The following NUP210 variants were observed in gnomAD, a reference collection of about 807,000 sequenced individuals.
NUP210 encodes the protein nuclear pore membrane glycoprotein 210.
NUP210 carries 151 observed loss-of-function variants against 196.0 expected under a neutral mutation model. The observed-to-expected ratio is 0.77, with a 90% CI of 0.67 to 0.88. The LOEUF is 0.88. Among genes scored for constraint, NUP210 ranks in the 40% least tolerant of loss-of-function variants. The pLI is 0.00. For missense variants in NUP210, 2,314 were observed against 2,493.7 expected (o/e 0.93, Z 1.53); for synonymous variants, 1,070 against 1,052.7 (o/e 1.02, Z -0.32).
Position 13,380,953 on chromosome 3 carries a change from A to G in NUP210, c.818-1232T>C, listed in dbSNP as rs1398610292. Reference sequence around the variant, plus strand: ...ACCATCAACATCACCTGGAACTGCAAATGATGGGCCCCATCCCAGACCTGC... The same window carrying G: ...ACCATCAACATCACCTGGAACTGCAGATGATGGGCCCCATCCCAGACCTGC... On this transcript the variant is annotated intron_variant, in intron 6 of 39. Coordinates refer to ENST00000254508, the MANE Select transcript of NUP210 (RefSeq NM_024923.4). 3.9e-5 allele frequency among the ~76,000 whole-genome samples: 6 copies of G among 152,350 alleles called. No individual in the cohort carries two copies. The East Asian group carries it at 9.6e-4, about 24-fold the overall frequency.
In NUP210 at chr3:13,342,113, C is replaced by A; in HGVS notation, c.2975G>T (p.Gly992Val). The change falls in exon 22 of 40, where the codon GGG becomes GTG. Residue 992 changes from glycine to valine, a missense_variant. Transcript: ENST00000254508. ...GCGGACGTATGCCTTCACTGTCTTC[C>A]CAATCTCCACCTGCATCATGGGGAC... ...YIRVVDKVEI[G>V]KTVKAYVRVL... 1 of 1,614,050 alleles carries A rather than the reference C, an allele frequency of 6.2e-7. No homozygotes were observed. Among genetic ancestry groups the A allele is most frequent in the Non-Finnish European group, 8.5e-7 (1 of 1,179,948 alleles).
In NUP210 at chr3:13,419,398, C is replaced by T. The variant is rs76579533; in HGVS notation, c.167+662G>A. Among the ~76,000 whole-genome samples, 1,403 of 152,338 alleles carry T rather than the reference C, an allele frequency of 9.2e-3. 23 individuals are homozygous for T. The highest frequency in any genetic ancestry group is 0.032 in the African/African-American group (1,322 of 41,574). The stretch of plus-strand genomic sequence containing the variant: ...GTCCCTGTGGTTCCACAGGGTCACA[C>T]TCCGCATCCGACCCCTTGGAGAACT... On this transcript the variant is annotated intron_variant, in intron 1 of 39. Transcript: ENST00000254508.
chr3:13,394,926 C>T (rs905355980), intron 3 of NUP210, among the ~76,000 whole-genome samples: 5 of 152,136 alleles, frequency 3.3e-5, no homozygotes, highest in Non-Finnish European at 1.5e-5. Flanking sequence ...CAAAGTATTT[C>T]GGGGCGAGGA....
At position 13,342,054 on chromosome 3, in the gene NUP210, T is replaced by C; in HGVS notation, c.3034A>G (p.Lys1012Glu). The stretch of plus-strand genomic sequence containing the variant: ...TTCAGGTCCATAAAGGGGAAGTATT[T>C]GGCAAGGAAGGGCTTCTTGTGCAAG... Reference protein sequence around the residue: ...LDLHKKPFLAKYFPFMDLKLR... With the variant: ...LDLHKKPFLAEYFPFMDLKLR... Residue 1012 changes from lysine to glutamate, a missense_variant, in exon 22 of 40, where the codon AAA becomes GAA. Coordinates refer to ENST00000254508, the MANE Select transcript of NUP210 (RefSeq NM_024923.4). 2 of 1,614,206 alleles carry C rather than the reference T, an allele frequency of 1.2e-6. No homozygotes were observed. The highest frequency in any genetic ancestry group is 1.7e-6 in the Non-Finnish European group (2 of 1,180,026).
intron 15 of NUP210, 113 bp from the exon 16 acceptor site, chr3:13,358,508 G>C: frequency 9.4e-7 from 1 of 1,060,572 alleles, no homozygotes; most frequent in Non-Finnish European, 1.3e-6. Flanking sequence ...TCTATAGGAT[G>C]GGAGTGATGA....
At chr3:13,336,429 G>A (rs1170830415) in intron 27 of NUP210, among the ~76,000 whole-genome samples, 3 of 152,122 alleles carry the variant, frequency 2.0e-5, no homozygotes, top group East Asian at 1.9e-4. Context: ...AGGGCCCCTC[G>A]CTGGGCTAAG....
intron 28 of NUP210, 109 bp downstream of exon 28, chr3:13,335,345 C>G: frequency 1.6e-6 from 2 of 1,277,554 alleles, no homozygotes; most frequent in Non-Finnish European, 2.2e-6. Context: ...GGACTGAGAG[C>G]TTCTCAGGTC....
chr3:13,417,734 A>G (rs6769612), intron 1 of NUP210, among the ~76,000 whole-genome samples: 33,630 of 152,128 alleles, frequency 0.22, 5,834 homozygotes, highest in African/African-American at 0.49. Flanking sequence ...TTTGAATAGC[A>G]GTCACACATC....
intron 32 of NUP210, 98 bp downstream of exon 32, chr3:13,327,118 GC>G: frequency 2.3e-6 from 2 of 858,868 alleles, no homozygotes; most frequent in South Asian, 3.4e-5. Context: ...CTGCCTGTAG[GC>G]CCCCGTGACT....
chr3:13,384,642 T>C (rs1438754902), intron 6 of NUP210, among the ~76,000 whole-genome samples: 6 of 152,218 alleles, frequency 3.9e-5, no homozygotes, highest in South Asian at 4.1e-4. Flanking sequence ...TGTTCAGTCA[T>C]GGTTAGGTGC....
At position 13,347,292 on chromosome 3, in the gene NUP210, C is replaced by G. The variant is rs1697777859; in HGVS notation, c.2836-3989G>C. The stretch of plus-strand genomic sequence containing the variant: ...AAGCACTCCAGCGTCTCTGAGTGCA[C>G]GAGTTAATGGGAAATGTAAAGTGCC... On this transcript the variant is annotated intron_variant, in intron 20 of 39. Transcript: ENST00000254508. The surrounding 1 kb of genome is among the most constrained non-coding windows in gnomAD (Gnocchi z 4.7). 1 of 985,380 alleles carries G rather than the reference C, an allele frequency of 1.0e-6. No individual in the cohort carries two copies. The highest frequency in any genetic ancestry group is 1.2e-6 in the Non-Finnish European group (1 of 829,892). The allele number at this position is 985,380 out of a possible 1,614,324, so 61.0% of individuals were successfully genotyped here.
intron 3 of NUP210, among the ~76,000 whole-genome samples, chr3:13,393,660 G>A (rs1036126819): frequency 7.2e-5 from 11 of 152,230 alleles, no homozygotes; most frequent in Admixed American, 5.2e-4. Flanking sequence ...GCAGGTGTCT[G>A]CCTTTCCAGG....
Position 13,344,606 on chromosome 3 carries a change from A to T in NUP210, c.2836-1303T>A, listed in dbSNP as rs541060450. On this transcript the variant is annotated intron_variant, in intron 20 of 39. Transcript: ENST00000254508. ...AAAGGTGACAACCAAATAGGATCAC[A>T]TCACTCCCAACATCAACCCCTCAAC... is the stretch of plus-strand genomic sequence containing the variant. Among the ~76,000 whole-genome samples, 8 of 152,376 alleles carry T rather than the reference A, an allele frequency of 5.3e-5. No homozygotes were observed. In the East Asian group the frequency reaches 1.5e-3, roughly 29 times the overall value.
chr3:13,319,560 G>C (rs1346571860), intron 37 of NUP210, among the ~76,000 whole-genome samples: 1 of 152,076 alleles, frequency 6.6e-6, no homozygotes, highest in Non-Finnish European at 1.5e-5. Flanking sequence ...AGCCCCTGTG[G>C]CTGCCATGTT....
Position 13,360,495 on chromosome 3 carries a change from G to C in NUP210, c.1933-4C>G. The C allele has an allele frequency of 6.2e-7, 1 of 1,603,050 alleles. No homozygotes were observed. Among genetic ancestry groups the C allele is most frequent in the South Asian group, 1.1e-5 (1 of 89,406 alleles). On this transcript the variant is annotated splice_polypyrimidine_tract_variant and splice_region_variant and intron_variant, in intron 14 of 39. Coordinates refer to ENST00000254508, the MANE Select transcript of NUP210 (RefSeq NM_024923.4). ...CAACAGAGGAGGGATCCACAGCCTG[G>C]GGACAGAAGAGGCAGAAGACTTGGC...
intron 2 of NUP210, 79 bp downstream of exon 2, chr3:13,399,646 C>G (rs1157725215): frequency 4.4e-6 from 7 of 1,598,214 alleles, no homozygotes; most frequent in Admixed American, 1.7e-5. Context: ...CTCAGGTAGC[C>G]TCTAGGACCC....
At position 13,350,667 on chromosome 3, in the gene NUP210, A is replaced by C. The variant is rs1697938852; in HGVS notation, c.2835+1212T>G. On this transcript the variant is annotated intron_variant, in intron 20 of 39. Transcript: ENST00000254508. The surrounding 1 kb of genome is among the most constrained non-coding windows in gnomAD (Gnocchi z 4.1). ...ACAGCGAATATCAATAAAGGGGAAA[A>C]GTTACAGGAAAAAAAATAGAAATTC... Among the ~76,000 whole-genome samples the C allele has an allele frequency of 6.6e-6, 1 of 151,718 alleles. No homozygotes were observed. The highest frequency in any genetic ancestry group is 6.6e-5 in the Admixed American group (1 of 15,196).
chr3:13,352,736 G>A (rs1323024685), intron 18 of NUP210, among the ~76,000 whole-genome samples: 1 of 151,988 alleles, frequency 6.6e-6, no homozygotes, highest in East Asian at 1.9e-4. Context: ...GGTGTGCCAG[G>A]CACTCGGGGT....
rs1378815351 is a variant in NUP210, at chr3:13,399,876, G to A, written c.168-15C>T. ...GGGTGGACAACCTGCAGTGGAAGAA[G>A]ACAGCATTTACTCTCTGGAGCTGCA... On this transcript the variant is annotated splice_polypyrimidine_tract_variant and intron_variant, in intron 1 of 39. Coordinates refer to ENST00000254508, the MANE Select transcript of NUP210 (RefSeq NM_024923.4). 2 of 1,593,618 alleles carry A rather than the reference G, an allele frequency of 1.3e-6. No individual in the cohort carries two copies. The highest frequency in any genetic ancestry group is 8.5e-7 in the Non-Finnish European group (1 of 1,169,786).
Sources: allele counts gnomAD v4.1 joint callset (sites outside exome capture counted in the v4.1 genomes callset), GRCh38; gene constraint gnomAD v4.1.1; non-coding constraint Gnocchi (gnomAD v3.1); transcripts MANE v1.5; gene names NCBI Gene and HGNC (gene_info 2026-07-23, HGNC 2026-07-21).